Variants in REC114 observed in about 807,000 individuals in gnomAD.
The protein encoded by REC114 is REC114 meiotic recombination protein, also known as meiotic recombination protein REC114.
A neutral mutation model predicts 31.3 loss-of-function variants in REC114; 27 were observed. That is an observed-to-expected ratio of 0.86 (90% confidence interval 0.64 to 1.19). The LOEUF is 1.19. REC114 is among the 50% of genes most tolerant of loss of function. The pLI is 0.00. For synonymous variants in REC114, 134 were observed against 127.7 expected, an observed-to-expected ratio of 1.05 and a Z score of -0.33; for missense variants, 344 against 326.9, an observed-to-expected ratio of 1.05 and a Z score of -0.40.
chr15:73,522,244 A>G (rs116390010), intron 2 of REC114, among the ~76,000 whole-genome samples: 2 of 152,150 alleles, frequency 1.3e-5, no homozygotes, highest in African/African-American at 2.4e-5. Flanking sequence ...TTTCACATGT[A>G]TCATACTACC....
chr15:73,543,857 A>ATAGGGT (rs1894273503), intron 3 of REC114, among the ~76,000 whole-genome samples: 1 of 151,712 alleles, frequency 6.6e-6, no homozygotes, highest in East Asian at 1.9e-4. Flanking sequence ...TGCTGTAATC[A>ATAGGGT]TAGGGTTATA....
At chr15:73,492,182 C>T (rs1224620899) in intron 2 of REC114, among the ~76,000 whole-genome samples, 2 of 152,204 alleles carry the variant, frequency 1.3e-5, no homozygotes, top group Non-Finnish European at 2.9e-5. Context: ...ACACACCCCA[C>T]TCCGCAAAGA....
At chr15:73,475,753 A>AC (rs1246634846) in intron 2 of REC114, among the ~76,000 whole-genome samples, 1 of 152,172 alleles carries the variant, frequency 6.6e-6, no homozygotes, top group African/African-American at 2.4e-5. Flanking sequence ...CCATGAGATA[A>AC]CAATACACAC....
intron 2 of REC114, among the ~76,000 whole-genome samples, chr15:73,487,788 A>G (rs1447452342): frequency 6.6e-6 from 1 of 152,164 alleles, no homozygotes; most frequent in African/African-American, 2.4e-5. Flanking sequence ...CCTAATAGGG[A>G]GTCCTTGCAG....
At chr15:73,493,432 C>T (rs1350090532) in intron 2 of REC114, among the ~76,000 whole-genome samples, 6 of 151,964 alleles carry the variant, frequency 3.9e-5, no homozygotes, top group Non-Finnish European at 7.4e-5. Context: ...CAAAACTATG[C>T]CCTTTTCTGT....
chr15:73,488,548 T>C (rs1029094672), intron 2 of REC114, among the ~76,000 whole-genome samples: 5 of 152,222 alleles, frequency 3.3e-5, no homozygotes, highest in African/African-American at 9.6e-5. Context: ...TTCATTGCCT[T>C]TAAATTCTGC....
chr15:73,493,212 A>G (rs907290841), intron 2 of REC114, among the ~76,000 whole-genome samples: 2 of 151,994 alleles, frequency 1.3e-5, no homozygotes, highest in Non-Finnish European at 2.9e-5. Flanking sequence ...TAGAGATGAG[A>G]TCTCACCGTA....
chr15:73,474,956 C>T (rs1893190917), intron 2 of REC114, among the ~76,000 whole-genome samples: 4 of 152,094 alleles, frequency 2.6e-5, no homozygotes, highest in African/African-American at 7.2e-5. Context: ...CTGCAGCATG[C>T]GTTGTACTAT....
chr15:73,548,518 T>C (rs1332124741), intron 3 of REC114, among the ~76,000 whole-genome samples: 1 of 152,164 alleles, frequency 6.6e-6, no homozygotes, highest in Non-Finnish European at 1.5e-5. Context: ...TGAGATACCA[T>C]CTCATACCAG....
At chr15:73,505,050 C>G (rs1312050136) in intron 2 of REC114, among the ~76,000 whole-genome samples, 1 of 150,708 alleles carries the variant, frequency 6.6e-6, no homozygotes, top group African/African-American at 2.4e-5. Flanking sequence ...TTTTTTTTTC[C>G]TTATCTGCTT....
At chr15:73,456,009 T>C (rs1426014178) in intron 1 of REC114, among the ~76,000 whole-genome samples, 1 of 152,142 alleles carries the variant, frequency 6.6e-6, no homozygotes. Context: ...AATGAATTTA[T>C]AGAGTTATGA....
intron 1 of REC114, among the ~76,000 whole-genome samples, chr15:73,457,522 G>C (rs1892933634): frequency 6.6e-6 from 1 of 152,122 alleles, no homozygotes; most frequent in African/African-American, 2.4e-5. Context: ...GGCTCTGCCT[G>C]GGTTTATCAT....
intron 1 of REC114, among the ~76,000 whole-genome samples, chr15:73,470,051 G>C (rs1318464061): frequency 6.6e-6 from 1 of 152,008 alleles, no homozygotes; most frequent in Non-Finnish European, 1.5e-5. Context: ...GCAGCATATA[G>C]CTTGTTTTGT....
At chr15:73,554,055 T>C (rs955903995) in intron 4 of REC114, among the ~76,000 whole-genome samples, 1 of 152,200 alleles carries the variant, frequency 6.6e-6, no homozygotes, top group African/African-American at 2.4e-5. Context: ...TTGCCACCAA[T>C]GTTACCCTTT....
At chr15:73,554,495 A>G (rs1215243537) in intron 4 of REC114, among the ~76,000 whole-genome samples, 2 of 152,136 alleles carry the variant, frequency 1.3e-5, no homozygotes, top group Non-Finnish European at 2.9e-5. Flanking sequence ...TGAGTCATTT[A>G]CTGGCTCATA....
At chr15:73,477,730 A>T (rs927552211) in intron 2 of REC114, among the ~76,000 whole-genome samples, 2 of 152,260 alleles carry the variant, frequency 1.3e-5, no homozygotes, top group South Asian at 2.1e-4. Context: ...AAAGATTTTT[A>T]AAAATGTTTT....
chr15:73,482,476 T>C (rs1043970366), intron 2 of REC114, among the ~76,000 whole-genome samples: 8 of 152,212 alleles, frequency 5.3e-5, no homozygotes, highest in African/African-American at 1.9e-4. Context: ...GGTGCCATGC[T>C]TTCTATATGG....
intron 1 of REC114, among the ~76,000 whole-genome samples, chr15:73,447,189 T>C (rs912309002): frequency 3.9e-5 from 6 of 152,080 alleles, no homozygotes; most frequent in Non-Finnish European, 7.4e-5. Flanking sequence ...TTTGGATGTA[T>C]TGAATTTCAT....
At chr15:73,515,613 G>A (rs955653040) in intron 2 of REC114, among the ~76,000 whole-genome samples, 3 of 152,098 alleles carry the variant, frequency 2.0e-5, no homozygotes, top group African/African-American at 7.2e-5. Flanking sequence ...GATGAGATTA[G>A]TGCTTTTATA....
Sources: gnomAD v4.1 joint callset for allele counts (sites outside exome capture counted in the v4.1 genomes callset) on GRCh38, gnomAD v4.1.1 for gene constraint, MANE v1.5 for transcripts, NCBI Gene and HGNC (gene_info 2026-07-23, HGNC 2026-07-21) for gene names.